The following SCN9A variants were observed in gnomAD, a reference collection of about 807,000 sequenced individuals.
SCN9A encodes sodium voltage-gated channel alpha subunit 9.
Under a neutral mutation model 187.0 loss-of-function variants are expected in SCN9A, and 131 were observed. The ratio of observed to expected loss-of-function variants is 0.70; its 90% CI spans 0.61 to 0.81. The LOEUF (loss-of-function observed/expected upper bound fraction) is 0.81. Ranked by LOEUF, SCN9A falls within the 30% of genes least tolerant of loss-of-function variation. The pLI is 0.00. For synonymous variants in SCN9A, 809 were observed against 808.6 expected (o/e 1.00, Z -0.01); for missense variants, 2,252 against 2,396.6 (o/e 0.94, Z 1.26).
At chr2:166,283,223 AT>A (rs1697574186) in intron 12 of SCN9A, among the ~76,000 whole-genome samples, 1 of 152,194 alleles carries the variant, frequency 6.6e-6, no homozygotes, top group African/African-American at 2.4e-5. Flanking sequence ...GCAAAGTTTG[AT>A]TCCACAGAAA....
intron 1 of SCN9A, among the ~76,000 whole-genome samples, chr2:166,319,349 CA>C (rs397868358): frequency 1.0e-3 from 135 of 134,620 alleles, no homozygotes; most frequent in East Asian, 1.7e-3. Flanking sequence ...TAAGGTAGAG[CA>C]AAAAAAAAAA....
chr2:166,306,006 C>T, intron 4 of SCN9A, 86 bp from the exon 5 acceptor site: 1 of 1,506,732 alleles, frequency 6.6e-7, no homozygotes, highest in Non-Finnish European at 9.1e-7. Context: ...CTCTAATTAA[C>T]CACTGGAAGA....
In SCN9A at chr2:166,199,834, T is replaced by C; in HGVS notation, c.4805A>G (p.Tyr1602Cys). ...GMFLADLIET[Y>C]FVSPTLFRVI... ...TCGGAACAGGGTAGGGGACACAAAA[T>C]ACGTTTCAATCAAATCAGCTAGAAA... Residue 1602 changes from tyrosine (Y) to cysteine (C), a missense_variant, in exon 27 of 27, where the codon TAT becomes TGT. Physicochemically the swap from Tyr to Cys is radical, Grantham distance 194 (BLOSUM62 -2). Coordinates refer to ENST00000642356, the MANE Select transcript of SCN9A (RefSeq NM_001365536.1). 2 of 1,613,832 alleles carry C rather than the reference T, an allele frequency of 1.2e-6. No individual in the cohort carries two copies. Among genetic ancestry groups the C allele is most frequent in the Non-Finnish European group, 1.7e-6 (2 of 1,179,908 alleles).
At chr2:166,297,150 T>C (rs1698340566) in intron 7 of SCN9A, among the ~76,000 whole-genome samples, 3 of 120,818 alleles carry the variant, frequency 2.5e-5, no homozygotes. Flanking sequence ...TGAGCCGAGA[T>C]AGCGACACTG....
intron 26 of SCN9A, among the ~76,000 whole-genome samples, chr2:166,203,331 TAAC>T (rs1277544316): frequency 1.3e-5 from 2 of 151,528 alleles, no homozygotes; most frequent in Non-Finnish European, 1.5e-5. Flanking sequence ...TATGTGAAAA[TAAC>T]AACAACAACA....
chr2:166,196,411 T>A lies in SCN9A; in HGVS notation c.*2261A>T, dbSNP rs984036071. 1 of 152,148 alleles carries A rather than the reference T, an allele frequency of 6.6e-6. No individual in the cohort carries two copies. The highest frequency in any genetic ancestry group is 1.5e-5 in the Non-Finnish European group (1 of 68,012). 9.4% of individuals were successfully genotyped at this position (152,148 alleles called of 1,614,324 possible). On this transcript the variant is annotated 3_prime_UTR_variant, in exon 27 of 27. Transcript: ENST00000642356. ...GGAAAAAGAACAACTTTATATATAT[T>A]TTTGAAATGCTAAGAAGAAATTGTG...
chr2:166,369,325 T>C (rs1482561325), intron 1 of SCN9A, among the ~76,000 whole-genome samples: 2 of 152,194 alleles, frequency 1.3e-5, no homozygotes, highest in African/African-American at 4.8e-5. Flanking sequence ...CTCAAATTTA[T>C]TTATCTGTGC....
intron 1 of SCN9A, among the ~76,000 whole-genome samples, chr2:166,361,462 T>C (rs1700283983): frequency 6.6e-6 from 1 of 152,112 alleles, no homozygotes; most frequent in African/African-American, 2.4e-5. Context: ...CACACAGCCA[T>C]TTTAGTCCTG....
intron 1 of SCN9A, among the ~76,000 whole-genome samples, chr2:166,339,241 T>G (rs1341940405): frequency 1.3e-5 from 2 of 152,122 alleles, no homozygotes; most frequent in Non-Finnish European, 2.9e-5. Context: ...GGCACACTGC[T>G]CTTCGGAAAT....
At chr2:166,279,052 T>C (rs766312292) in intron 14 of SCN9A, among the ~76,000 whole-genome samples, 8 of 152,252 alleles carry the variant, frequency 5.3e-5, no homozygotes, top group Non-Finnish European at 1.2e-4. Flanking sequence ...GCAGCTGGAC[T>C]TGAGGTTGTG....
chr2:166,344,935 C>G (rs911716404), intron 1 of SCN9A, among the ~76,000 whole-genome samples: 2 of 152,154 alleles, frequency 1.3e-5, no homozygotes, highest in African/African-American at 4.8e-5. Flanking sequence ...CCTTTGTTAT[C>G]TTTGCCAGAA....
At chr2:166,227,649 G>A (rs200927951) in intron 23 of SCN9A, 21 bp downstream of exon 23, 1 of 1,382,696 alleles carries the variant, frequency 7.2e-7, no homozygotes. Context: ...AAAGTTTAGT[G>A]CTAAGATAAT....
chr2:166,340,148 A>G (rs972147879), intron 1 of SCN9A, among the ~76,000 whole-genome samples: 58 of 152,204 alleles, frequency 3.8e-4, no homozygotes, highest in Admixed American at 3.9e-4. Flanking sequence ...TGAAGACAAA[A>G]GCCTCAAATA....
intron 12 of SCN9A, among the ~76,000 whole-genome samples, chr2:166,282,110 AT>A (rs1203323332): frequency 6.6e-6 from 1 of 152,208 alleles, no homozygotes. Flanking sequence ...TATCATCACT[AT>A]CATCACCTCT....
intron 26 of SCN9A, 98 bp downstream of exon 26, chr2:166,203,857 A>T: frequency 1.4e-6 from 1 of 734,494 alleles, no homozygotes; most frequent in Admixed American, 2.9e-5. Flanking sequence ...CTTACTCAAG[A>T]GTAAATTTGT....
At chr2:166,221,205 C>T (rs1330334562) in intron 24 of SCN9A, among the ~76,000 whole-genome samples, 1 of 152,054 alleles carries the variant, frequency 6.6e-6, no homozygotes, top group Non-Finnish European at 1.5e-5. Context: ...AATTAAATGA[C>T]TTAATATTGT....
At chr2:166,244,846 A>C (rs940854056) in intron 18 of SCN9A, among the ~76,000 whole-genome samples, 5 of 152,088 alleles carry the variant, frequency 3.3e-5, no homozygotes, top group African/African-American at 4.8e-5. Context: ...ACATTACAAA[A>C]ATCTCCAAGC....
At chr2:166,322,247 C>T (rs918879205) in intron 1 of SCN9A, among the ~76,000 whole-genome samples, 1 of 152,126 alleles carries the variant, frequency 6.6e-6, no homozygotes, top group Non-Finnish European at 1.5e-5. Flanking sequence ...TAATATACAG[C>T]TCGATTTCCA....
rs773066209 is a variant in SCN9A at position 166,286,613 on chromosome 2, G to T, written c.1325C>A (p.Ala442Glu). The T allele has an allele frequency of 3.2e-6, 5 of 1,545,624 alleles. No homozygotes were observed. The South Asian group carries it at 6.3e-5, about 20-fold the overall frequency. The part of the protein sequence containing the change: ...KEQEEAEAIA[A>E]AAAEYTSIRR... ...AATACTTGTATATTCAGCCGCTGCC[G>T]CTGCAATTGCCTGGTTGGGCCAAGA... Residue 442 changes from alanine to glutamate, a missense_variant, in exon 11 of 27, where the codon GCG (alanine) becomes GAG (glutamate). Ala to Glu is a moderately radical substitution (Grantham distance 107, BLOSUM62 -1). Around this residue, in one of 7 missense-constraint regions of SCN9A, gnomAD observed 1,013 missense variants for 997.4 expected, o/e 1.02. Coordinates refer to ENST00000642356, the MANE Select transcript of SCN9A (RefSeq NM_001365536.1).
Sources: gnomAD v4.1 joint callset for allele counts (sites outside exome capture counted in the v4.1 genomes callset) on GRCh38, gnomAD v4.1.1 for gene constraint, gnomAD v4.1.1 regional missense constraint, MANE v1.5 for transcripts, NCBI Gene and HGNC (gene_info 2026-07-23, HGNC 2026-07-21) for gene names.